TJP3: variants seen among roughly 807,000 people sequenced by gnomAD.
TJP3 encodes tight junction protein 3.
TJP3 carries 85 observed loss-of-function variants against 104.2 expected under a neutral mutation model. That is an observed-to-expected ratio of 0.82 (90% CI 0.68 to 0.98). The LOEUF (loss-of-function observed/expected upper bound fraction) is 0.98, where lower values mean the gene tolerates loss of function less well. Ranked by LOEUF, TJP3 falls within the 50% of genes least tolerant of loss-of-function variation. TJP3 has a pLI of 0.00. For synonymous variants in TJP3, 550 were observed against 550.6 expected (o/e 1.00, Z 0.02); for missense variants, 1,367 against 1,322.8 (o/e 1.03, Z -0.52).
chr19:3,743,040 C>T (rs530277801), intron 14 of TJP3, among the ~76,000 whole-genome samples: 28 of 151,494 alleles, frequency 1.8e-4, no homozygotes, highest in Admixed American at 7.9e-4. Context: ...CCGAGGCGGG[C>T]GGATCACGAG....
At chr19:3,709,986 A>T (rs996274333) in intron 1 of TJP3, among the ~76,000 whole-genome samples, 1 of 152,000 alleles carries the variant, frequency 6.6e-6, no homozygotes, top group Non-Finnish European at 1.5e-5. Context: ...TGTCTCTACT[A>T]AAAATACAAA....
chr19:3,744,078 T>C, intron 15 of TJP3, 44 bp downstream of exon 15: 1 of 1,580,376 alleles, frequency 6.3e-7, no homozygotes, highest in South Asian at 1.1e-5. Flanking sequence ...TGAAATAGTT[T>C]CACAACTGTT....
chr19:3,748,522 C>A (rs1012563449), intron 19 of TJP3, among the ~76,000 whole-genome samples: 1 of 151,276 alleles, frequency 6.6e-6, no homozygotes, highest in African/African-American at 2.4e-5. Flanking sequence ...CCCGCCTTGG[C>A]CTCCCAAAGT....
intron 1 of TJP3, among the ~76,000 whole-genome samples, chr19:3,714,485 T>G (rs930226052): frequency 2.6e-5 from 4 of 151,524 alleles, no homozygotes; most frequent in African/African-American, 7.3e-5. Context: ...GCCCGTTCTT[T>G]TAGTATTTAT....
chr19:3,726,554 G>T (rs554895119), intron 1 of TJP3, among the ~76,000 whole-genome samples: 1 of 151,854 alleles, frequency 6.6e-6, no homozygotes, highest in Admixed American at 6.6e-5. Flanking sequence ...AGCCAAGTTG[G>T]CACCATTGCA....
chr19:3,719,711 C>T (rs116173155), intron 1 of TJP3, among the ~76,000 whole-genome samples: 4,650 of 126,892 alleles, frequency 0.037, 238 homozygotes, highest in African/African-American at 0.13. Flanking sequence ...TCCAGCTGGG[C>T]GACAGAGCGA....
In TJP3 at chr19:3,746,589, C is replaced by T. The variant is rs1408567075; in HGVS notation, c.2115C>T (p.Ala705=). The change falls in exon 17 of 21, where the codon GCC becomes GCT. Residue 705 remains alanine, a synonymous_variant. Coordinates refer to ENST00000541714, the MANE Select transcript of TJP3 (RefSeq NM_001267560.2). The surrounding 1 kb of genome is among the most constrained non-coding windows in gnomAD (Gnocchi z 4.1). ...TCTTCATCCCCGAGAGCCGGCCGGC[C>T]CTCAAGGCACTGCGCCAGTGGCTGG... is the stretch of plus-strand genomic sequence containing the variant. ...VVFFIPESRP[A]LKALRQWLAP... The T allele has an allele frequency of 6.2e-7, 1 of 1,613,872 alleles. No individual in the cohort carries two copies. The highest frequency in any genetic ancestry group is 2.2e-5 in the East Asian group (1 of 44,862).
intron 1 of TJP3, among the ~76,000 whole-genome samples, chr19:3,718,840 A>G (rs1040702960): frequency 6.6e-6 from 1 of 152,222 alleles, no homozygotes; most frequent in African/African-American, 2.4e-5. Flanking sequence ...CCGGTAGGGA[A>G]TGATGTGTTT....
In TJP3 at chr19:3,739,062, G is replaced by T; in HGVS notation, c.1559G>T (p.Gly520Val). The T allele has an allele frequency of 1.9e-6, 3 of 1,608,454 alleles. No individual in the cohort carries two copies. Among genetic ancestry groups the T allele is most frequent in the South Asian group, 2.2e-5 (2 of 90,652 alleles). ...PGPGQSHARGGHWLAVRMGRD... is the reference protein window; with the variant it reads ...PGPGQSHARGVHWLAVRMGRD... ...CCCGGGCAGAGCCACGCACGAGGAGGCCACTGGCTGGCGGTGCGCATGGGT... is the reference window on the plus strand; with the variant it reads ...CCCGGGCAGAGCCACGCACGAGGAGTCCACTGGCTGGCGGTGCGCATGGGT... The change falls in exon 13 of 21, where the codon GGC becomes GTC. Residue 520 changes from glycine to valine, a missense_variant. By Grantham distance (109) the Gly-to-Val change is moderately radical. Transcript: ENST00000541714.
intron 12 of TJP3, 64 bp downstream of exon 12, chr19:3,738,727 G>T (rs1403556224): frequency 6.8e-7 from 1 of 1,469,556 alleles, no homozygotes; most frequent in Admixed American, 1.7e-5. Context: ...TGTGTGGCCT[G>T]GTGGTGAGTG....
intron 1 of TJP3, among the ~76,000 whole-genome samples, chr19:3,727,688 G>T (rs971326714): frequency 2.0e-5 from 3 of 151,986 alleles, no homozygotes; most frequent in Non-Finnish European, 4.4e-5. Flanking sequence ...GTTGAGGTCA[G>T]GAGTTTGAGA....
chr19:3,709,416 C>T (rs938333436), intron 1 of TJP3, among the ~76,000 whole-genome samples: 1 of 152,098 alleles, frequency 6.6e-6, no homozygotes, highest in Non-Finnish European at 1.5e-5. Flanking sequence ...AATCTTTACT[C>T]CTCCGAGCAA....
intron 1 of TJP3, among the ~76,000 whole-genome samples, chr19:3,715,694 G>A (rs114768933): frequency 1.3e-3 from 202 of 152,280 alleles, no homozygotes; most frequent in African/African-American, 4.5e-3. Flanking sequence ...GGCCATTCTG[G>A]GCAATGCAGG....
In TJP3 at chr19:3,750,794, A is replaced by G. The variant is rs1446177973; in HGVS notation, c.*110A>G. ...ACCTCCCTCCGCCTGGTCTTTAATA[A>G]ACAGAGTATTTTCACAGCACCGGCT... On this transcript the variant is annotated 3_prime_UTR_variant, in exon 21 of 21. Transcript: ENST00000541714. 9.3e-7 allele frequency: 1 copy of G among 1,079,614 alleles called. No individual in the cohort carries two copies. The highest frequency in any genetic ancestry group is 1.6e-5 in the African/African-American group (1 of 63,376). 66.9% of individuals were successfully genotyped at this position (1,079,614 alleles called of 1,614,324 possible).
intron 19 of TJP3, 131 bp downstream of exon 19, chr19:3,748,212 C>T: frequency 8.2e-7 from 1 of 1,225,546 alleles, no homozygotes; most frequent in Non-Finnish European, 1.1e-6. Flanking sequence ...AGACTGGTTT[C>T]TGGGACTCAG....
intron 13 of TJP3, 93 bp downstream of exon 13, chr19:3,739,227 C>A: frequency 2.4e-6 from 3 of 1,235,290 alleles, no homozygotes; most frequent in Non-Finnish European, 2.2e-6. Flanking sequence ...CGCGGTGGCT[C>A]AGGCCTGTAA....
intron 1 of TJP3, 146 bp from the exon 2 acceptor site, chr19:3,728,278 T>G: frequency 7.8e-7 from 1 of 1,274,034 alleles, no homozygotes; most frequent in South Asian, 1.5e-5. Context: ...CAAAAAAACC[T>G]GAGGCCCTGA....
chr19:3,745,670 C>G (rs1302195513), intron 15 of TJP3, among the ~76,000 whole-genome samples: 1 of 152,120 alleles, frequency 6.6e-6, no homozygotes, highest in Non-Finnish European at 1.5e-5. Context: ...GGAACTGAGT[C>G]TGGGAGAGCC....
At chr19:3,747,489 T>A (rs1192771950) in intron 18 of TJP3, among the ~76,000 whole-genome samples, 1 of 152,076 alleles carries the variant, frequency 6.6e-6, no homozygotes, top group Non-Finnish European at 1.5e-5. Context: ...GAGCAGAGAT[T>A]GCGCCACAGC....
Sources: gnomAD v4.1 joint callset for allele counts (sites outside exome capture counted in the v4.1 genomes callset) on GRCh38, gnomAD v4.1.1 for gene constraint, Gnocchi (gnomAD v3.1) non-coding constraint, MANE v1.5 for transcripts, NCBI Gene and HGNC (gene_info 2026-07-23, HGNC 2026-07-21) for gene names.